The following FBXO4 variants were observed in gnomAD, a reference collection of about 807,000 sequenced individuals.
The protein encoded by FBXO4 is F-box only protein 4.
FBXO4 carries 36 observed loss-of-function variants against 43.7 expected under a neutral mutation model. The observed-to-expected ratio is 0.82, with a 90% CI of 0.63 to 1.09. The LOEUF is 1.09. Ranked by LOEUF, FBXO4 falls within the 50% of genes least tolerant of loss-of-function variation. The pLI is 0.00. For synonymous variants in FBXO4, 180 were observed against 165.6 expected (o/e 1.09, Z -0.67); for missense variants, 435 against 474.1 (o/e 0.92, Z 0.77).
chr5:41,937,258 A>G (rs1751874860), intron 5 of FBXO4, among the ~76,000 whole-genome samples: 1 of 152,190 alleles, frequency 6.6e-6, no homozygotes, highest in African/African-American at 2.4e-5. Context: ...AGATAAAGAG[A>G]ACATCTTTAA....
the FBXO4 span, among the ~76,000 whole-genome samples, chr5:41,996,320 C>A: frequency 1.3e-5 from 2 of 152,156 alleles, no homozygotes; most frequent in African/African-American, 4.8e-5. Context: ...CTTGATGATC[C>A]ATAGTCAAAC....
the FBXO4 span, among the ~76,000 whole-genome samples, chr5:42,004,837 C>T: frequency 6.6e-6 from 1 of 152,062 alleles, no homozygotes; most frequent in Non-Finnish European, 1.5e-5. Context: ...TTACATTCGA[C>T]TCTACAATTC....
intron 2 of FBXO4, among the ~76,000 whole-genome samples, chr5:41,928,341 T>TA (rs1193210729): frequency 6.6e-6 from 1 of 151,078 alleles, no homozygotes; most frequent in African/African-American, 2.4e-5. Context: ...TTCTTTTCTT[T>TA]TTTTTTTTTT....
At chr5:41,943,258 C>G (rs1752030156), downstream of FBXO4, among the ~76,000 whole-genome samples, 1 of 152,128 alleles carries the variant, frequency 6.6e-6, no homozygotes, top group South Asian at 2.1e-4. Context: ...GTGTGGTTCA[C>G]TAAATTCTCA....
chr5:41,968,555 G>A, the FBXO4 span, among the ~76,000 whole-genome samples: 1 of 152,210 alleles, frequency 6.6e-6, no homozygotes, highest in Non-Finnish European at 1.5e-5. Context: ...TTGGGAATCA[G>A]AAGTAGCTGG....
the FBXO4 span, among the ~76,000 whole-genome samples, chr5:41,980,603 T>C: frequency 1.3e-5 from 2 of 152,126 alleles, no homozygotes; most frequent in African/African-American, 4.8e-5. Context: ...CTAAGTGAAC[T>C]GTTATTGCTA....
At chr5:41,945,892 T>G (rs2112594175), downstream of FBXO4, among the ~76,000 whole-genome samples, 1 of 152,316 alleles carries the variant, frequency 6.6e-6, no homozygotes, top group Middle Eastern at 3.4e-3. Context: ...TAATCATAGG[T>G]TATGGAAAGA....
chr5:42,020,392 CAAAAT>C, the FBXO4 span, among the ~76,000 whole-genome samples: 1 of 151,888 alleles, frequency 6.6e-6, no homozygotes, highest in Non-Finnish European at 1.5e-5. Flanking sequence ...AATTAGAAAA[CAAAAT>C]AATTTCTGAT....
the FBXO4 span, among the ~76,000 whole-genome samples, chr5:41,998,081 C>G: frequency 2.0e-5 from 3 of 152,158 alleles, no homozygotes; most frequent in Non-Finnish European, 4.4e-5. Context: ...AATTAATTAG[C>G]TAATGCCAAA....
chr5:41,929,954 T>A, intron 3 of FBXO4, 37 bp downstream of exon 3: 1 of 1,409,868 alleles, frequency 7.1e-7, no homozygotes, highest in Non-Finnish European at 9.8e-7. Context: ...ATTCAAACAC[T>A]TTGAGCTTGA....
intron 6 of FBXO4, among the ~76,000 whole-genome samples, chr5:41,940,065 G>A (rs942792419): frequency 4.0e-5 from 6 of 151,566 alleles, no homozygotes; most frequent in Non-Finnish European, 8.8e-5. Context: ...TGCCCAGGCT[G>A]ATCTCGAACT....
chr5:41,957,919 G>A, the FBXO4 span, among the ~76,000 whole-genome samples: 1 of 152,128 alleles, frequency 6.6e-6, no homozygotes, highest in African/African-American at 2.4e-5. Context: ...AGTTAATCTA[G>A]TCCATAATTT....
chr5:41,945,350 A>G (rs1752062498), downstream of FBXO4, among the ~76,000 whole-genome samples: 1 of 152,216 alleles, frequency 6.6e-6, no homozygotes, highest in South Asian at 2.1e-4. Context: ...AAATGGCTAA[A>G]TGTGGACATT....
At chr5:42,010,682 G>T in the FBXO4 span, among the ~76,000 whole-genome samples, 1 of 151,984 alleles carries the variant, frequency 6.6e-6, no homozygotes, top group South Asian at 2.1e-4. Flanking sequence ...ATTTGTTTGA[G>T]TTCTTTTCAA....
chr5:42,033,405 C>A, the FBXO4 span, among the ~76,000 whole-genome samples: 1 of 152,072 alleles, frequency 6.6e-6, no homozygotes, highest in Non-Finnish European at 1.5e-5. Flanking sequence ...ACTTTAAGCT[C>A]TGGGATACAA....
At chr5:42,007,005 T>C in the FBXO4 span, among the ~76,000 whole-genome samples, 1 of 148,744 alleles carries the variant, frequency 6.7e-6, no homozygotes. Context: ...CTATATATTT[T>C]TGGGAGGGAT....
chr5:41,999,915 C>A, the FBXO4 span, among the ~76,000 whole-genome samples: 1 of 151,998 alleles, frequency 6.6e-6, no homozygotes. Context: ...TACTTTGCAA[C>A]CTTCAAGCCA....
chr5:41,955,051 G>A, the FBXO4 span, among the ~76,000 whole-genome samples: 1 of 152,186 alleles, frequency 6.6e-6, no homozygotes. Flanking sequence ...ATGCAGGAAT[G>A]TCTGGTCCTA....
At chr5:41,959,514 T>C in the FBXO4 span, among the ~76,000 whole-genome samples, 3 of 152,196 alleles carry the variant, frequency 2.0e-5, no homozygotes, top group African/African-American at 7.2e-5. Flanking sequence ...GTTATAGTTT[T>C]TGGTATTATA....
Sources: allele counts gnomAD v4.1 joint callset (sites outside exome capture counted in the v4.1 genomes callset), GRCh38; gene constraint gnomAD v4.1.1; transcripts MANE v1.5; gene names NCBI Gene and HGNC (gene_info 2026-07-23, HGNC 2026-07-21).